Variants in EML2 observed in about 807,000 individuals in gnomAD.
The protein encoded by EML2 is EMAP like 2, also known as echinoderm microtubule-associated protein-like 2.
Under a neutral mutation model 84.7 loss-of-function variants are expected in EML2, and 59 were observed. The ratio of observed to expected loss-of-function variants is 0.70; its 90% CI spans 0.56 to 0.86. The LOEUF is 0.86. Among genes scored for constraint, EML2 ranks in the 40% least tolerant of loss-of-function variants. The pLI is 0.00. For synonymous variants in EML2, 352 were observed against 348.9 expected (o/e 1.01, Z -0.10); for missense variants, 818 against 855.6 (o/e 0.96, Z 0.55).
At chr19:45,616,059 C>A (rs935140337) in intron 15 of EML2, 170 bp from the exon 16 acceptor site, 11 of 625,950 alleles carry the variant, frequency 1.8e-5, no homozygotes, top group African/African-American at 1.5e-4. Context: ...GGCCAGAATA[C>A]TGTGGGCGGG....
At chr19:45,616,315 T>C (rs981856086) in intron 15 of EML2, 146 bp downstream of exon 15, 6 of 614,970 alleles carry the variant, frequency 9.8e-6, no homozygotes, top group Admixed American at 3.0e-5. Flanking sequence ...AGGTGGTGAA[T>C]GTGTGGACGT....
At position 45,629,846 on chromosome 19, in the gene EML2, C is replaced by T. The variant is rs1972815529; in HGVS notation, c.606+105G>A. ...GTCACACAGCCAGCAAGGAGTAAAG[C>T]CAGGGCTTAAACACGGGTCTATCTG... On this transcript the variant is annotated intron_variant, in intron 7 of 18. Transcript: ENST00000245925. 45 of 897,444 alleles carry T rather than the reference C, an allele frequency of 5.0e-5. No homozygotes were observed. The South Asian group carries it at 6.2e-4, about 12-fold the overall frequency. The allele number at this position is 897,444 out of a possible 1,614,324, so 55.6% of individuals were successfully genotyped here.
intron 11 of EML2, 141 bp downstream of exon 11, chr19:45,621,066 G>T: frequency 7.6e-7 from 1 of 1,309,342 alleles, no homozygotes; most frequent in Non-Finnish European, 1.1e-6. Context: ...CTGGGAAGGG[G>T]TCCTGGGTCA....
intron 4 of EML2, 58 bp from the exon 5 acceptor site, chr19:45,633,197 G>T: frequency 6.5e-7 from 1 of 1,530,492 alleles, no homozygotes. Context: ...GGCTCACAGA[G>T]ACCCAGGACA....
intron 11 of EML2, chr19:45,620,967 C>G: frequency 1.6e-6 from 1 of 634,694 alleles, no homozygotes. Context: ...GGTGCCACCC[C>G]CAATCAGAGT....
chr19:45,632,719 GC>G (rs1444545092), intron 6 of EML2, 141 bp downstream of exon 6: 10 of 698,142 alleles, frequency 1.4e-5, no homozygotes, highest in Non-Finnish European at 2.2e-5. Flanking sequence ...GTGAGGACAC[GC>G]CCTCATTGTG....
intron 11 of EML2, among the ~76,000 whole-genome samples, chr19:45,620,177 G>GA (rs1331923102): frequency 6.6e-6 from 1 of 151,792 alleles, no homozygotes; most frequent in African/African-American, 2.4e-5. Context: ...GCAGTGGTAG[G>GA]ATCTCAGCTC....
At chr19:45,632,822 G>C in intron 6 of EML2, 39 bp downstream of exon 6, 1 of 1,574,020 alleles carries the variant, frequency 6.4e-7, no homozygotes, top group Non-Finnish European at 8.7e-7. Context: ...CCTCCTTTTC[G>C]GGGCGAAGGG....
chr19:45,609,887 C>A, intron 18 of EML2, 99 bp from the exon 19 acceptor site: 9 of 1,085,828 alleles, frequency 8.3e-6, no homozygotes, highest in Non-Finnish European at 9.9e-6. Flanking sequence ...TGCTCTTCCT[C>A]TTTTTTTTTT....
In EML2 at chr19:45,626,761, T is replaced by A. The variant is rs1972382919; in HGVS notation, c.685A>T (p.Ile229Phe). The A allele has an allele frequency of 2.5e-6, 4 of 1,613,656 alleles. No homozygotes were observed. Among genetic ancestry groups the A allele is most frequent in the Admixed American group, 1.7e-5 (1 of 59,924 alleles). ...CCCCCCTCCAAGGTCCAGAAGTAGA[T>A]GTGAGATTTCCCGCAGGTGATAAGC... ...TVLITCGKSH[I>F]YFWTLEGGSL... is the part of the protein sequence containing the mutation. The change falls in exon 8 of 19, where the codon ATC becomes TTC. Residue 229 changes from isoleucine to phenylalanine, a missense_variant. Ile to Phe is a conservative substitution (Grantham distance 21, BLOSUM62 0). Transcript: ENST00000245925.
intron 17 of EML2, 107 bp downstream of exon 17, chr19:45,614,498 G>T: frequency 1.1e-6 from 1 of 924,962 alleles, no homozygotes; most frequent in Non-Finnish European, 1.8e-6. Context: ...CAGTAAAGCA[G>T]TGAGCTTCCC....
rs1345482420 is a variant in EML2 at position 45,633,108 on chromosome 19, C to T, written c.361G>A (p.Ala121Thr). ...LAIHPDMVTI[A>T]TGQVAGTTKE... ...GTGGTTCCCGCCACCTGTCCCGTGG[C>T]GATGGTGACCATATCTGGGTGGATG... Residue 121 changes from alanine to threonine, a missense_variant, in exon 5 of 19, where the codon GCC becomes ACC. Transcript: ENST00000245925. The T allele has an allele frequency of 5.6e-6, 9 of 1,601,942 alleles. No homozygotes were observed. In the African/African-American group the frequency reaches 9.4e-5, roughly 17 times the overall value.
intron 6 of EML2, 88 bp downstream of exon 6, chr19:45,632,773 C>T: frequency 8.4e-7 from 1 of 1,195,006 alleles, no homozygotes; most frequent in South Asian, 1.4e-5. Context: ...ATTCCCGGCC[C>T]TCAACCCAAG....
intron 7 of EML2, chr19:45,628,771 C>G (rs992445175): frequency 6.6e-6 from 1 of 151,972 alleles, no homozygotes; most frequent in Non-Finnish European, 1.5e-5. Flanking sequence ...TGCAGTGAGC[C>G]AAGATTATGC....
At chr19:45,635,511 C>G (rs1973618957) in intron 3 of EML2, among the ~76,000 whole-genome samples, 1 of 149,810 alleles carries the variant, frequency 6.7e-6, no homozygotes, top group Non-Finnish European at 1.5e-5. Context: ...TGAGGTTTTT[C>G]TGTTTCCACT....
At chr19:45,614,524 A>G (rs1333938995) in intron 17 of EML2, 81 bp downstream of exon 17, 1 of 1,201,554 alleles carries the variant, frequency 8.3e-7, no homozygotes, top group African/African-American at 1.5e-5. Context: ...GGAGGTAAGC[A>G]GTAAGACTCT....
chr19:45,627,256 CTTTTTTTTT>C (rs72487266), intron 7 of EML2, among the ~76,000 whole-genome samples: 1 of 135,622 alleles, frequency 7.4e-6, no homozygotes, highest in Non-Finnish European at 1.6e-5. Flanking sequence ...TGCGCCCGGC[CTTTTTTTTT>C]TTTTTTTTGA....
At chr19:45,634,802 C>T (rs1023821419) in intron 3 of EML2, among the ~76,000 whole-genome samples, 3 of 151,914 alleles carry the variant, frequency 2.0e-5, no homozygotes, top group African/African-American at 7.2e-5. Context: ...ACCTTGTGAT[C>T]CACCCGCCTC....
At chr19:45,624,923 A>G (rs1972128677) in intron 8 of EML2, 105 bp from the exon 9 acceptor site, 8 of 780,234 alleles carry the variant, frequency 1.0e-5, no homozygotes, top group Admixed American at 2.1e-5. Context: ...CCCTCTATCT[A>G]TGCGTTTAGG....
Sources: allele counts gnomAD v4.1 joint callset (sites outside exome capture counted in the v4.1 genomes callset), GRCh38; gene constraint gnomAD v4.1.1; transcripts MANE v1.5; gene names NCBI Gene and HGNC (gene_info 2026-07-23, HGNC 2026-07-21).